DNAAF6: variants seen among roughly 807,000 people sequenced by gnomAD.
DNAAF6 encodes the protein dynein axonemal assembly factor 6.
In DNAAF6, 3 loss-of-function variants were observed where a neutral mutation model predicts 13.7. The ratio of observed to expected loss-of-function variants is 0.22; its 90% CI spans 0.10 to 0.56. The LOEUF (loss-of-function observed/expected upper bound fraction) is 0.56. Among genes scored for constraint, DNAAF6 ranks in the 20% least tolerant of loss-of-function variants. DNAAF6 has a pLI of 0.92. For missense variants in DNAAF6, 130 were observed against 151.0 expected (o/e 0.86, Z 0.73); for synonymous variants, 54 against 49.2 (o/e 1.10, Z -0.41).
intron 5 of DNAAF6, among the ~76,000 whole-genome samples, chrX:107,233,267 T>C (rs1184047775): frequency 9.8e-5 from 11 of 111,689 alleles, no homozygotes; most frequent in Admixed American, 9.5e-4. Flanking sequence ...TTGATATACA[T>C]ATTCTCAGTA....
chrX:107,217,726 T>G (rs1261867549), intron 3 of DNAAF6, among the ~76,000 whole-genome samples: 2 of 112,038 alleles, frequency 1.8e-5, no homozygotes, highest in Non-Finnish European at 3.8e-5. Context: ...GGAAGTGAAT[T>G]TCATTCATCA....
At chrX:107,208,517 G>A (rs1927771875) in intron 1 of DNAAF6, among the ~76,000 whole-genome samples, 1 of 108,875 alleles carries the variant, frequency 9.2e-6, no homozygotes, top group African/African-American at 3.4e-5. Flanking sequence ...TAAAACAGAG[G>A]AAATATTAAA....
rs113157607 is a variant in DNAAF6 at position 107,241,748 on chromosome X, A to T, written c.516-1421A>T. Among the ~76,000 whole-genome samples the T allele has an allele frequency of 3.6e-3, 401 of 112,032 alleles. 3 individuals carry two copies. Among genetic ancestry groups the T allele is most frequent in the African/African-American group, 0.012 (385 of 30,973 alleles). On this transcript the variant is annotated intron_variant, in intron 6 of 6. Transcript: ENST00000372453. ...GTACAGTTCTACTGTTCAACATTTTATTATGTGAAGCCATACTACTTAGAA... is the reference window on the plus strand; with the variant it reads ...GTACAGTTCTACTGTTCAACATTTTTTTATGTGAAGCCATACTACTTAGAA...
At chrX:107,208,263 G>A (rs990206606) in intron 1 of DNAAF6, among the ~76,000 whole-genome samples, 2 of 109,615 alleles carry the variant, frequency 1.8e-5, no homozygotes, top group South Asian at 8.0e-4. Flanking sequence ...GCGAAACCCC[G>A]TCTCTACAAA....
At chrX:107,229,247 C>A (rs374290700) in intron 5 of DNAAF6, among the ~76,000 whole-genome samples, 4 of 100,549 alleles carry the variant, frequency 4.0e-5, no homozygotes, top group African/African-American at 1.5e-4. Flanking sequence ...AAGCTGTTCT[C>A]CTGCCTCAAC....
At chrX:107,221,135 C>G (rs1402252571) in intron 4 of DNAAF6, among the ~76,000 whole-genome samples, 1 of 109,218 alleles carries the variant, frequency 9.2e-6, no homozygotes, top group African/African-American at 3.3e-5. Context: ...CCAGGCCTGG[C>G]TAATGTTTTT....
intron 2 of DNAAF6, among the ~76,000 whole-genome samples, chrX:107,214,127 C>T (rs1927922267): frequency 9.0e-6 from 1 of 111,247 alleles, no homozygotes; most frequent in Non-Finnish European, 1.9e-5. Context: ...GATCAGGAAC[C>T]AGGAAGTTTT....
At chrX:107,236,912 G>A (rs922131702) in intron 5 of DNAAF6, among the ~76,000 whole-genome samples, 1 of 111,535 alleles carries the variant, frequency 9.0e-6, no homozygotes, top group Non-Finnish European at 1.9e-5. Context: ...TTTCTTTGTC[G>A]AATAGAATGC....
At chrX:107,235,866 C>T (rs1055162833) in intron 5 of DNAAF6, among the ~76,000 whole-genome samples, 1 of 111,513 alleles carries the variant, frequency 9.0e-6, no homozygotes, top group Non-Finnish European at 1.9e-5. Flanking sequence ...GTGGCTTACA[C>T]TTGTAATCCC....
intron 6 of DNAAF6, among the ~76,000 whole-genome samples, chrX:107,239,212 G>T (rs112598345): frequency 9.0e-6 from 1 of 111,592 alleles, no homozygotes; most frequent in Non-Finnish European, 1.9e-5. Context: ...TTGCATCCGT[G>T]CATTTGGAGT....
chrX:107,218,146 C>T (rs1027204017), intron 3 of DNAAF6, among the ~76,000 whole-genome samples: 3 of 111,988 alleles, frequency 2.7e-5, no homozygotes, highest in African/African-American at 6.5e-5. Context: ...AGGTCTCCAC[C>T]GGATGCTACA....
chrX:107,241,039 C>T (rs2147839233), intron 6 of DNAAF6, among the ~76,000 whole-genome samples: 1 of 111,918 alleles, frequency 8.9e-6, no homozygotes, highest in South Asian at 3.7e-4. Flanking sequence ...GCTATTTCTG[C>T]ACTTTCTTTG....
At chrX:107,222,657 G>T in intron 4 of DNAAF6, 88 bp from the exon 5 acceptor site, 1 of 1,078,338 alleles carries the variant, frequency 9.3e-7, no homozygotes, top group Non-Finnish European at 1.2e-6. Context: ...TTACCTAATA[G>T]CATATCCTCA....
intron 5 of DNAAF6, 107 bp downstream of exon 5, chrX:107,222,948 C>A: frequency 1.0e-6 from 1 of 1,004,286 alleles, no homozygotes; most frequent in Non-Finnish European, 1.3e-6. Context: ...CTTTAAAAAT[C>A]GTGGTTGCTA....
chrX:107,241,175 C>T (rs1233120027), intron 6 of DNAAF6, among the ~76,000 whole-genome samples: 3 of 111,872 alleles, frequency 2.7e-5, no homozygotes, highest in Non-Finnish European at 5.7e-5. Context: ...ACCAGGATGT[C>T]CTTTGCTTAA....
chrX:107,222,868 T>G, intron 5 of DNAAF6, 27 bp downstream of exon 5: 7 of 1,189,216 alleles, frequency 5.9e-6, no homozygotes, highest in Non-Finnish European at 7.9e-6. Flanking sequence ...CTTCTTCATT[T>G]TCTATACAAC....
intron 1 of DNAAF6, among the ~76,000 whole-genome samples, chrX:107,209,964 C>T (rs1161504824): frequency 9.0e-6 from 1 of 111,621 alleles, no homozygotes; most frequent in Non-Finnish European, 1.9e-5. Context: ...CTCAAGGTTA[C>T]TGATGTTGCT....
chrX:107,219,769 TTTTCTA>T (rs1928079204), intron 4 of DNAAF6, among the ~76,000 whole-genome samples: 1 of 108,901 alleles, frequency 9.2e-6, no homozygotes, highest in African/African-American at 3.4e-5. Context: ...ATCTGACAAC[TTTTCTA>T]ATACTGAATA....
At chrX:107,209,386 G>A (rs1927797413) in intron 1 of DNAAF6, among the ~76,000 whole-genome samples, 1 of 111,888 alleles carries the variant, frequency 8.9e-6, no homozygotes, top group African/African-American at 3.2e-5. Flanking sequence ...TTTTACATAG[G>A]GATATATCTA....
Sources: allele counts gnomAD v4.1 joint callset (sites outside exome capture counted in the v4.1 genomes callset), GRCh38; gene constraint gnomAD v4.1.1; transcripts MANE v1.5; gene names NCBI Gene and HGNC (gene_info 2026-07-23, HGNC 2026-07-21).